Variants in BMP5 observed in about 807,000 individuals in gnomAD.
BMP5 encodes the protein bone morphogenetic protein 5.
BMP5 carries 23 observed loss-of-function variants against 46.6 expected under a neutral mutation model. That is an observed-to-expected ratio of 0.49 (90% CI 0.35 to 0.70). BMP5 has a LOEUF of 0.70. Ranked by LOEUF, BMP5 falls within the 30% of genes least tolerant of loss-of-function variation. BMP5 has a pLI of 0.00. For missense variants in BMP5, 545 were observed against 565.6 expected (o/e 0.96, Z 0.37); for synonymous variants, 204 against 191.9 (o/e 1.06, Z -0.52).
intron 1 of BMP5, among the ~76,000 whole-genome samples, chr6:55,866,700 T>C (rs1229487390): frequency 6.6e-6 from 1 of 152,158 alleles, no homozygotes; most frequent in Non-Finnish European, 1.5e-5. Flanking sequence ...CTTTTTCTTG[T>C]TTTAGGGGCT....
chr6:55,791,534 A>C (rs1022547058), intron 3 of BMP5, among the ~76,000 whole-genome samples: 3 of 152,254 alleles, frequency 2.0e-5, no homozygotes, highest in African/African-American at 7.2e-5. Flanking sequence ...AAAAAATAAC[A>C]TACTAGTAAT....
chr6:55,792,218 G>T (rs1424484492), intron 3 of BMP5, among the ~76,000 whole-genome samples: 1 of 152,180 alleles, frequency 6.6e-6, no homozygotes, highest in African/African-American at 2.4e-5. Flanking sequence ...CTTTCAGTAA[G>T]AACTTTCTTT....
intron 1 of BMP5, among the ~76,000 whole-genome samples, chr6:55,866,716 T>A (rs889674133): frequency 6.6e-6 from 1 of 152,176 alleles, no homozygotes; most frequent in African/African-American, 2.4e-5. Flanking sequence ...GGGCTTCTGT[T>A]TTCTGGGTAA....
At chr6:55,823,805 C>T (rs372618605) in intron 1 of BMP5, among the ~76,000 whole-genome samples, 4 of 151,842 alleles carry the variant, frequency 2.6e-5, no homozygotes, top group South Asian at 2.1e-4. Context: ...TTTTAGAACA[C>T]ACCTCCTCCT....
intron 4 of BMP5, among the ~76,000 whole-genome samples, chr6:55,771,920 T>C (rs1160878755): frequency 6.6e-6 from 1 of 151,926 alleles, no homozygotes; most frequent in Non-Finnish European, 1.5e-5. Flanking sequence ...TTCAAGTCTC[T>C]GAAGTATCAA....
chr6:55,814,723 A>G (rs1318455142), intron 2 of BMP5, among the ~76,000 whole-genome samples: 1 of 152,238 alleles, frequency 6.6e-6, no homozygotes, highest in Non-Finnish European at 1.5e-5. Flanking sequence ...CACGGCACAG[A>G]ATTGCATTTT....
rs1415587125 is a variant in BMP5, at chr6:55,871,302, T to C, written c.490+3074A>G. On this transcript the variant is annotated intron_variant, in intron 1 of 6. Transcript: ENST00000370830. Reference sequence around the variant, plus strand: ...TGACCAAGCAAAAGTTCCACTGATATTCAACAGTTTTAGGGAAAAAGCAAA... The same window carrying C: ...TGACCAAGCAAAAGTTCCACTGATACTCAACAGTTTTAGGGAAAAAGCAAA... Among the ~76,000 whole-genome samples the C allele has an allele frequency of 3.3e-5, 5 of 152,022 alleles. No individual in the cohort carries two copies. The East Asian group carries it at 5.8e-4, about 18-fold the overall frequency.
At chr6:55,783,050 C>T (rs1775363906) in intron 3 of BMP5, among the ~76,000 whole-genome samples, 1 of 152,040 alleles carries the variant, frequency 6.6e-6, no homozygotes, top group Non-Finnish European at 1.5e-5. Context: ...CTGTCAGTGG[C>T]ATACGTATTG....
intron 4 of BMP5, among the ~76,000 whole-genome samples, chr6:55,764,301 T>C (rs977197747): frequency 1.1e-4 from 16 of 152,190 alleles, no homozygotes; most frequent in African/African-American, 1.7e-4. Context: ...TGGCCTGGCG[T>C]GGTGTCTCAC....
At chr6:55,756,716 T>C (rs781547369) in intron 6 of BMP5, among the ~76,000 whole-genome samples, 3 of 151,976 alleles carry the variant, frequency 2.0e-5, no homozygotes, top group Non-Finnish European at 4.4e-5. Context: ...TGATCTGACA[T>C]GAACTTGAAA....
At chr6:55,789,972 T>G (rs188374739) in intron 3 of BMP5, among the ~76,000 whole-genome samples, 2 of 152,158 alleles carry the variant, frequency 1.3e-5, no homozygotes, top group Admixed American at 1.3e-4. Context: ...ACTGACATAA[T>G]TTCCACAGGC....
At chr6:55,797,443 T>C (rs1418927890) in intron 2 of BMP5, among the ~76,000 whole-genome samples, 1 of 152,122 alleles carries the variant, frequency 6.6e-6, no homozygotes, top group African/African-American at 2.4e-5. Context: ...AAAATACATG[T>C]ATAAAGAAAA....
In BMP5 at chr6:55,874,694, T is replaced by C; in HGVS notation, c.172A>G (p.Ile58Val). 1 of 1,613,646 alleles carries C rather than the reference T, an allele frequency of 6.2e-7. No homozygotes were observed. Among genetic ancestry groups the C allele is most frequent in the Non-Finnish European group, 8.5e-7 (1 of 1,179,728 alleles). ...CTGGGTCTGTGAGGCAAACCCAAGATAGAGAGAATTTCCCTTTGTATTTCC... is the reference window on the plus strand; with the variant it reads ...CTGGGTCTGTGAGGCAAACCCAAGACAGAGAGAATTTCCCTTTGTATTTCC... Reference protein sequence around the residue: ...RREIQREILSILGLPHRPRPF... With the variant: ...RREIQREILSVLGLPHRPRPF... Residue 58 changes from isoleucine (I) to valine (V), a missense_variant, in exon 1 of 7, where the codon ATC becomes GTC. Coordinates refer to ENST00000370830, the MANE Select transcript of BMP5 (RefSeq NM_021073.4).
intron 1 of BMP5, among the ~76,000 whole-genome samples, chr6:55,830,322 T>C (rs953561518): frequency 5.3e-5 from 8 of 152,048 alleles, no homozygotes; most frequent in Non-Finnish European, 7.4e-5. Context: ...AGTCAAGGGA[T>C]CCTTAGTGGT....
At chr6:55,874,319 T>A in intron 1 of BMP5, 57 bp downstream of exon 1, 1 of 1,608,466 alleles carries the variant, frequency 6.2e-7, no homozygotes, top group Non-Finnish European at 8.5e-7. Context: ...TCCTTTACCA[T>A]TAGGGAAAAC....
At chr6:55,865,256 A>T (rs1034183184) in intron 1 of BMP5, among the ~76,000 whole-genome samples, 26 of 152,154 alleles carry the variant, frequency 1.7e-4, no homozygotes, top group African/African-American at 6.3e-4. Context: ...GGTTCTTTAT[A>T]GACTGTCCAT....
intron 4 of BMP5, chr6:55,772,989 T>C (rs967441948): frequency 6.9e-5 from 61 of 886,508 alleles, no homozygotes; most frequent in Middle Eastern, 5.7e-4. Flanking sequence ...GAGTAATAAA[T>C]AGCTGCTGTA....
intron 1 of BMP5, among the ~76,000 whole-genome samples, chr6:55,872,699 C>T (rs888762667): frequency 3.4e-4 from 51 of 151,674 alleles, no homozygotes; most frequent in African/African-American, 1.2e-3. Context: ...ACTGAGCTAT[C>T]GTTTATTAAA....
chr6:55,860,559 T>G (rs758385126), intron 1 of BMP5, among the ~76,000 whole-genome samples: 1 of 152,104 alleles, frequency 6.6e-6, no homozygotes. Context: ...GGGCTATTGG[T>G]AGATTGGGTA....
Sources: gnomAD v4.1 joint callset for allele counts (sites outside exome capture counted in the v4.1 genomes callset) on GRCh38, gnomAD v4.1.1 for gene constraint, MANE v1.5 for transcripts, NCBI Gene and HGNC (gene_info 2026-07-23, HGNC 2026-07-21) for gene names.